Variants in RAB11FIP5 observed in about 807,000 individuals in gnomAD.
RAB11FIP5 encodes rab11 family-interacting protein 5.
In RAB11FIP5, 48 loss-of-function variants were observed where a neutral mutation model predicts 85.1. That is an observed-to-expected ratio of 0.56 (90% CI 0.45 to 0.72). RAB11FIP5 has a LOEUF of 0.72. RAB11FIP5 is among the 30% of genes least tolerant of loss of function. The pLI is 0.00. For missense variants in RAB11FIP5, 1,491 were observed against 1,687.0 expected, an observed-to-expected ratio of 0.88 and a Z score of 2.04; for synonymous variants, 729 against 727.3, an observed-to-expected ratio of 1.00 and a Z score of -0.04.
intron 1 of RAB11FIP5, among the ~76,000 whole-genome samples, chr2:73,092,612 T>C (rs1353764864): frequency 6.6e-6 from 1 of 152,172 alleles, no homozygotes; most frequent in Admixed American, 6.5e-5. Context: ...CAAGGACCTT[T>C]TGGGCCTCTC....
chr2:73,075,171 A>G lies in RAB11FIP5; in HGVS notation c.*350T>C. 1.8e-6 allele frequency: 1 copy of G among 558,434 alleles called. No homozygotes were observed. The highest frequency in any genetic ancestry group is 1.6e-5 in the South Asian group (1 of 63,472). 34.6% of individuals were successfully genotyped at this position (558,434 alleles called of 1,614,324 possible). On this transcript the variant is annotated 3_prime_UTR_variant, in exon 6 of 6. Transcript: ENST00000486777. The surrounding 1 kb of genome is among the most constrained non-coding windows in gnomAD (Gnocchi z 4.6). ...CTTGGGGGATAATAAAGTATGTGCT[A>G]GCAACCAGTCTTGTCCCAGATTACT...
intron 3 of RAB11FIP5, among the ~76,000 whole-genome samples, chr2:73,084,919 C>T (rs531044477): frequency 6.6e-6 from 1 of 152,334 alleles, no homozygotes; most frequent in Admixed American, 6.5e-5. Flanking sequence ...ATGGGCCCAA[C>T]GTGCAGGAAA....
chr2:73,104,558 ACT>A (rs2106123096), intron 1 of RAB11FIP5, among the ~76,000 whole-genome samples: 1 of 152,258 alleles, frequency 6.6e-6, no homozygotes, highest in South Asian at 2.1e-4. Flanking sequence ...ACACAGCAAG[ACT>A]CTGTCTCAAA....
intron 1 of RAB11FIP5, among the ~76,000 whole-genome samples, chr2:73,095,211 G>T (rs987523798): frequency 7.9e-5 from 12 of 152,292 alleles, no homozygotes; most frequent in African/African-American, 2.4e-4. Context: ...TGATGAAGAT[G>T]GTGATTATCT....
In RAB11FIP5 at chr2:73,075,319, C is replaced by A; in HGVS notation, c.*202G>T. On this transcript the variant is annotated 3_prime_UTR_variant, in exon 6 of 6. Transcript: ENST00000486777. This position sits in a 1 kb window ranked among gnomAD's most constrained non-coding sequence, Gnocchi z 4.6. The stretch of plus-strand genomic sequence containing the variant: ...AAGACCCAGGGCTCCCAAAGACACA[C>A]AAGTTGTGCACAGAACCTGATGCCT... The A allele has an allele frequency of 2.8e-6, 2 of 711,178 alleles. No individual in the cohort carries two copies. The highest frequency in any genetic ancestry group is 2.5e-6 in the Non-Finnish European group (1 of 392,702). The allele number at this position is 711,178 out of a possible 1,614,324, so 44.1% of individuals were successfully genotyped here.
At chr2:73,104,233 T>G (rs1684483010) in intron 1 of RAB11FIP5, among the ~76,000 whole-genome samples, 1 of 152,178 alleles carries the variant, frequency 6.6e-6, no homozygotes, top group South Asian at 2.1e-4. Flanking sequence ...GAAATTTTTT[T>G]CATTATGTGC....
chr2:73,097,456 A>G (rs1049540511), intron 1 of RAB11FIP5, among the ~76,000 whole-genome samples: 2 of 152,240 alleles, frequency 1.3e-5, no homozygotes, highest in African/African-American at 2.4e-5. Flanking sequence ...GCTTGTTAGC[A>G]TCTGTCTTCC....
In RAB11FIP5 at chr2:73,088,137, G is replaced by A. The variant is rs969788701; in HGVS notation, c.1481C>T (p.Ser494Phe). ...CTCCCCACTGGATGAGTGATGTGGG[G>A]AGGCCCCCAGGATGGGACCCCCCTT... ...GEKGGPILGA[S>F]PHHSSSGEEK... Residue 494 changes from serine (S) to phenylalanine (F), a missense_variant, in exon 3 of 6, where the codon TCC (serine) becomes TTC (phenylalanine). Physicochemically the swap from Ser to Phe is radical, Grantham distance 155. Around this residue, in one of 3 missense-constraint regions of RAB11FIP5, gnomAD observed 1,211 missense variants for 1,338.0 expected, o/e 0.91. Transcript: ENST00000486777. 6.2e-7 allele frequency: 1 copy of A among 1,614,122 alleles called. No homozygotes were observed. Among genetic ancestry groups the A allele is most frequent in the Admixed American group, 1.7e-5 (1 of 60,034 alleles).
chr2:73,074,758 G>A lies in RAB11FIP5; in HGVS notation c.*763C>T, dbSNP rs1683817851. 5.4e-6 allele frequency: 1 copy of A among 184,812 alleles called. No individual in the cohort carries two copies. 11.4% of individuals were successfully genotyped at this position (184,812 alleles called of 1,614,324 possible). ...CCAGCCTGGAGGGACCTACACATTG[G>A]AGGTGGTCAAGAGCTCGAAAAGCAA... On this transcript the variant is annotated 3_prime_UTR_variant, in exon 6 of 6. Coordinates refer to ENST00000486777, the MANE Select transcript of RAB11FIP5 (RefSeq NM_001371272.1).
Position 73,080,394 on chromosome 2 carries a change from G to C in RAB11FIP5, c.2838C>G (p.Pro946=). The change falls in exon 4 of 6, where the codon CCC becomes CCG. Residue 946 remains proline, a synonymous_variant. Transcript: ENST00000486777. Reference sequence around the variant, plus strand: ...TCTCTCCCTCCTCCTTGGTCTCCGGGGGACCGACAACCAGTGCACTTGGGG... The same window carrying C: ...TCTCTCCCTCCTCCTTGGTCTCCGGCGGACCGACAACCAGTGCACTTGGGG... ...DASPSALVVG[P]PETKEEGEKR... 2 of 1,233,098 alleles carry C rather than the reference G, an allele frequency of 1.6e-6. No individual in the cohort carries two copies. The highest frequency in any genetic ancestry group is 4.2e-5 in the Admixed American group (1 of 23,730). 76.4% of individuals were successfully genotyped at this position (1,233,098 alleles called of 1,614,324 possible).
At position 73,081,449 on chromosome 2, in the gene RAB11FIP5, G is replaced by T; in HGVS notation, c.1783C>A (p.Leu595Ile). The T allele has an allele frequency of 8.1e-7, 1 of 1,233,404 alleles. No individual in the cohort carries two copies. The highest frequency in any genetic ancestry group is 4.2e-5 in the Admixed American group (1 of 23,716). The allele number at this position is 1,233,404 out of a possible 1,614,324, so 76.4% of individuals were successfully genotyped here. ...PEATPPGLLG[L>I]TNPFLTSLQS... ...AAAGAGGTGAGGAACGGGTTGGTAA[G>T]ACCCAATAATCCAGGTGGGGTGGCT... is the stretch of plus-strand genomic sequence containing the variant. The change falls in exon 4 of 6, where the codon CTT becomes ATT. Residue 595 changes from leucine (L) to isoleucine (I), a missense_variant. Physicochemically the swap from Leu to Ile is conservative, Grantham distance 5 (BLOSUM62 2). Around this residue, in one of 3 missense-constraint regions of RAB11FIP5, gnomAD observed 1,211 missense variants for 1,338.0 expected, o/e 0.91. Coordinates refer to ENST00000486777, the MANE Select transcript of RAB11FIP5 (RefSeq NM_001371272.1). The surrounding 1 kb of genome is among the most constrained non-coding windows in gnomAD (Gnocchi z 4.2).
At position 73,112,370 on chromosome 2, in the gene RAB11FIP5, G is replaced by A. The variant is rs1574308919; in HGVS notation, c.408C>T (p.Gly136=). The A allele has an allele frequency of 2.5e-6, 4 of 1,598,618 alleles. No individual in the cohort carries two copies. The highest frequency in any genetic ancestry group is 3.4e-5 in the Admixed American group (2 of 59,000). The change falls in exon 1 of 6, where the codon GGC becomes GGT. Residue 136 remains glycine, a synonymous_variant. Transcript: ENST00000486777. ...ACTGCGTGTGCTGGGCGCGGCCTGC[G>A]CCGAAGACCTCGTCCAGCGCCACCG... ...QATVALDEVF[G]AGRAQHTQWY...
At chr2:73,101,079 T>C (rs1051415581) in intron 1 of RAB11FIP5, among the ~76,000 whole-genome samples, 2 of 152,014 alleles carry the variant, frequency 1.3e-5, no homozygotes, top group African/African-American at 4.8e-5. Flanking sequence ...TAACCACCCA[T>C]CAGGGCTTCG....
In RAB11FIP5 at chr2:73,089,661, T is replaced by C. The variant is rs1388061697; in HGVS notation, c.432-346A>G. 5.3e-6 allele frequency: 2 copies of C among 379,722 alleles called. No homozygotes were observed. The highest frequency in any genetic ancestry group is 6.6e-5 in the East Asian group (1 of 15,202). The allele number at this position is 379,722 out of a possible 1,614,324, so 23.5% of individuals were successfully genotyped here. Reference sequence around the variant, plus strand: ...GCCCCATCTCCCCTACATCTGAAACTCTGAGGCCCAGAGGGGTGAGGCTGG... The same window carrying C: ...GCCCCATCTCCCCTACATCTGAAACCCTGAGGCCCAGAGGGGTGAGGCTGG... On this transcript the variant is annotated intron_variant, in intron 1 of 5. Transcript: ENST00000486777. The surrounding 1 kb of genome is among the most constrained non-coding windows in gnomAD (Gnocchi z 4.6).
At chr2:73,107,490 G>A (rs1000149111) in intron 1 of RAB11FIP5, among the ~76,000 whole-genome samples, 1 of 152,156 alleles carries the variant, frequency 6.6e-6, no homozygotes, top group South Asian at 2.1e-4. Flanking sequence ...AGAGACAGGT[G>A]GGGCAGAGAT....
chr2:73,085,489 A>G (rs977881496), intron 3 of RAB11FIP5, among the ~76,000 whole-genome samples: 31 of 152,180 alleles, frequency 2.0e-4, no homozygotes, highest in Non-Finnish European at 1.5e-5. Context: ...CCTGTCCTCA[A>G]ACACACGTGA....
chr2:73,077,109 A>C (rs1210625390), intron 4 of RAB11FIP5, among the ~76,000 whole-genome samples: 3 of 151,724 alleles, frequency 2.0e-5, no homozygotes, highest in Non-Finnish European at 2.9e-5. Context: ...CCACTCTCCT[A>C]ATCTCCATCT....
Position 73,089,102 on chromosome 2 carries a change from G to A in RAB11FIP5, c.645C>T (p.Ser215=), listed in dbSNP as rs199890683. Residue 215 remains serine, a synonymous_variant, in exon 2 of 6, where the codon AGC becomes AGT. Transcript: ENST00000486777. The surrounding 1 kb of genome is among the most constrained non-coding windows in gnomAD (Gnocchi z 4.6). The stretch of plus-strand genomic sequence containing the variant: ...TGCCCAGGTCAGGATCCTCTATGGC[G>A]CTGCTTGGGAGGATGGCAGAGGCAG... ...LESASAILPS[S]AIEDPDLGSL... is the part of the protein sequence containing the mutation. The A allele has an allele frequency of 4.6e-5, 74 of 1,614,228 alleles. No homozygotes were observed. Among genetic ancestry groups the A allele is most frequent in the South Asian group, 1.1e-5 (1 of 91,090 alleles).
chr2:73,080,695 G>C lies in RAB11FIP5; in HGVS notation c.2537C>G (p.Thr846Arg). ...CTCTCCCCGAAAGACTAGTGAGGCT[G>C]TCTCAGCTGCAGGAGAAATGGTGAC... ...DVVTISPAAE[T>R]ASLVFRGESD... The change falls in exon 4 of 6, where the codon ACA (threonine) becomes AGA (arginine). Residue 846 changes from threonine to arginine, a missense_variant. Around this residue, in one of 3 missense-constraint regions of RAB11FIP5, gnomAD observed 1,211 missense variants for 1,338.0 expected, o/e 0.91. Transcript: ENST00000486777. The C allele has an allele frequency of 1.6e-6, 2 of 1,232,578 alleles. No homozygotes were observed. The highest frequency in any genetic ancestry group is 2.0e-6 in the Non-Finnish European group (2 of 988,108). 76.4% of individuals were successfully genotyped at this position (1,232,578 alleles called of 1,614,324 possible).
Sources: allele counts gnomAD v4.1 joint callset (sites outside exome capture counted in the v4.1 genomes callset), GRCh38; gene constraint gnomAD v4.1.1; regional missense constraint gnomAD v4.1.1; non-coding constraint Gnocchi (gnomAD v3.1); transcripts MANE v1.5; gene names NCBI Gene and HGNC (gene_info 2026-07-23, HGNC 2026-07-21).